PEG3: variants seen among roughly 807,000 people sequenced by gnomAD.
PEG3 encodes paternally expressed 3, also known as paternally-expressed gene 3 protein.
In PEG3, 23 loss-of-function variants were observed where a neutral mutation model predicts 35.5. The ratio of observed to expected loss-of-function variants is 0.65; its 90% CI spans 0.47 to 0.92. The LOEUF is 0.92. Among genes scored for constraint, PEG3 ranks in the 40% least tolerant of loss-of-function variants. The pLI, the probability that PEG3 is intolerant of heterozygous loss-of-function variation, is 0.00. For synonymous variants in PEG3, 707 were observed against 697.0 expected, an observed-to-expected ratio of 1.01 and a Z score of -0.23; for missense variants, 1,960 against 1,985.3, an observed-to-expected ratio of 0.99 and a Z score of 0.24.
chr19:56,815,237 C>G lies in PEG3; in HGVS notation c.3205G>C (p.Asp1069His), dbSNP rs573103723. Residue 1069 changes from aspartate (D) to histidine (H), a missense_variant, in exon 10 of 10, where the codon GAT becomes CAT. Asp to His is a moderately conservative substitution (Grantham distance 81). Coordinates refer to ENST00000326441, the MANE Select transcript of PEG3 (RefSeq NM_006210.3). ...TCCTCGCTGTGGGTCTCCTCCCCAT[C>G]AGTATTCTCGCCTTGAGACTCCTCG... The part of the protein sequence containing the change: ...HGEESQGENT[D>H]GEETHSEETH... The G allele has an allele frequency of 1.7e-5, 27 of 1,614,172 alleles. No individual in the cohort carries two copies. In the African/African-American group the frequency reaches 3.1e-4, roughly 18 times the overall value.
At position 56,816,177 on chromosome 19, in the gene PEG3, G is replaced by T; in HGVS notation, c.2265C>A (p.Asn755Lys). 1 of 1,614,078 alleles carries T rather than the reference G, an allele frequency of 6.2e-7. No individual in the cohort carries two copies. Among genetic ancestry groups the T allele is most frequent in the Non-Finnish European group, 8.5e-7 (1 of 1,179,932 alleles). Reference sequence around the variant, plus strand: ...TGGGAATCTTCTGGTTTTCATAGGGGTTAGAGCTAATGGTGAACGCCTTTT... The same window carrying T: ...TGGGAATCTTCTGGTTTTCATAGGGTTTAGAGCTAATGGTGAACGCCTTTT... ...EDEKAFTISSNPYENQKIPTK... is the reference protein window; with the variant it reads ...EDEKAFTISSKPYENQKIPTK... Residue 755 changes from asparagine (N) to lysine (K), a missense_variant, in exon 10 of 10, where the codon AAC becomes AAA. Asn to Lys is a moderately conservative substitution (Grantham distance 94). This residue lies in a region of PEG3 where 798 missense variants were observed against 782.4 expected (regional missense o/e 1.02). Transcript: ENST00000326441.
At chr19:56,828,793 A>C (rs1157222955) in intron 2 of PEG3, among the ~76,000 whole-genome samples, 1 of 152,254 alleles carries the variant, frequency 6.6e-6, no homozygotes, top group African/African-American at 2.4e-5. Flanking sequence ...CCGGTTACTT[A>C]ACATCAAAAA....
In PEG3 at chr19:56,812,052, T is replaced by C; in HGVS notation, c.*1623A>G. 1 of 983,850 alleles carries C rather than the reference T, an allele frequency of 1.0e-6. No individual in the cohort carries two copies. The highest frequency in any genetic ancestry group is 1.2e-6 in the Non-Finnish European group (1 of 828,510). 60.9% of individuals were successfully genotyped at this position (983,850 alleles called of 1,614,324 possible). A position where few individuals can be genotyped will look rare whatever the true frequency, so the allele number is the denominator to read the frequency against. ...CCAGAAGAGTAAGATTCAGACACATTTCCCCCAGTGGGTACTTTAATTTTG... is the reference window on the plus strand; with the variant it reads ...CCAGAAGAGTAAGATTCAGACACATCTCCCCCAGTGGGTACTTTAATTTTG... On this transcript the variant is annotated 3_prime_UTR_variant, in exon 10 of 10. Coordinates refer to ENST00000326441, the MANE Select transcript of PEG3 (RefSeq NM_006210.3).
Position 56,817,003 on chromosome 19 carries a change from T to A in PEG3, c.1439A>T (p.Tyr480Phe), listed in dbSNP as rs767916930. Residue 480 changes from tyrosine to phenylalanine, a missense_variant, in exon 10 of 10, where the codon TAT becomes TTT. Tyr to Phe is a conservative substitution (Grantham distance 22). This residue lies in a region of PEG3 where 798 missense variants were observed against 782.4 expected (regional missense o/e 1.02). Coordinates refer to ENST00000326441, the MANE Select transcript of PEG3 (RefSeq NM_006210.3). ...GTGGATAAAGGACTCACCATACTCA[T>A]AGAGGTTCTCTCTAGTATGCATGAT... ...HQIMHTRENL[Y>F]EYGESFIHSV... 2 of 1,613,976 alleles carry A rather than the reference T, an allele frequency of 1.2e-6. No homozygotes were observed. The highest frequency in any genetic ancestry group is 2.2e-5 in the South Asian group (2 of 91,076).
At chr19:56,836,995 A>G (rs2146666674) in intron 1 of PEG3, among the ~76,000 whole-genome samples, 1 of 95,700 alleles carries the variant, frequency 1.0e-5, no homozygotes, top group South Asian at 3.8e-4. Flanking sequence ...AAAAAAAAAA[A>G]AAAAAAAATT....
At chr19:56,830,883 T>C (rs1028614624) in intron 2 of PEG3, among the ~76,000 whole-genome samples, 2 of 151,858 alleles carry the variant, frequency 1.3e-5, no homozygotes. Flanking sequence ...GCTAAGATCA[T>C]GCCCCTGCAT....
rs376523755 is a variant in PEG3 at position 56,816,420 on chromosome 19, C to A, written c.2022G>T (p.Arg674Ser). 2 of 1,613,910 alleles carry A rather than the reference C, an allele frequency of 1.2e-6. No individual in the cohort carries two copies. The highest frequency in any genetic ancestry group is 1.3e-5 in the African/African-American group (1 of 75,010). ...TCTCCTTATTGTAAGTTTTCTGACG[C>A]CTTTTAAGGGACTGACCAGGAATAA... ...ETFIPGQSLK[R>S]RQKTYNKEKL... The change falls in exon 10 of 10, where the codon AGG (arginine) becomes AGT (serine). Residue 674 changes from arginine to serine, a missense_variant. By Grantham distance (110) the Arg-to-Ser change is moderately radical. Transcript: ENST00000326441.
Position 56,817,216 on chromosome 19 carries a change from C to T in PEG3, c.1226G>A (p.Gly409Asp). The T allele has an allele frequency of 6.2e-7, 1 of 1,614,184 alleles. No individual in the cohort carries two copies. Among genetic ancestry groups the T allele is most frequent in the Non-Finnish European group, 8.5e-7 (1 of 1,180,020 alleles). The change falls in exon 10 of 10, where the codon GGC (glycine) becomes GAC (aspartate). Residue 409 changes from glycine to aspartate, a missense_variant. Transcript: ENST00000326441. ...DGKGSIHDQKGCPRKKPFECG... is the reference protein window; with the variant it reads ...DGKGSIHDQKDCPRKKPFECG... The stretch of plus-strand genomic sequence containing the variant: ...TTCAAAGGGCTTCTTCCTGGGACAG[C>T]CTTTTTGATCGTGAATCGAGCCCTT...
At chr19:56,831,012 C>G (rs984137582) in intron 2 of PEG3, among the ~76,000 whole-genome samples, 1 of 151,958 alleles carries the variant, frequency 6.6e-6, no homozygotes, top group African/African-American at 2.4e-5. Flanking sequence ...CATAAAGACA[C>G]GTGTATCACA....
Position 56,811,077 on chromosome 19 carries a change from G to A in PEG3, c.*2598C>T. ...TGAACAAGATAAGAGGAGAGTATAT[G>A]TCTTTGGATGGTGGGGATATGATTT... On this transcript the variant is annotated 3_prime_UTR_variant, in exon 10 of 10. Transcript: ENST00000326441. The A allele has an allele frequency of 1.0e-6, 1 of 984,602 alleles. No individual in the cohort carries two copies. The highest frequency in any genetic ancestry group is 1.2e-6 in the Non-Finnish European group (1 of 829,220). The allele number at this position is 984,602 out of a possible 1,614,324, so 61.0% of individuals were successfully genotyped here. A position where few individuals can be genotyped will look rare whatever the true frequency, so the allele number is the denominator to read the frequency against.
chr19:56,822,675 C>T, intron 6 of PEG3, 78 bp downstream of exon 6: 1 of 1,565,464 alleles, frequency 6.4e-7, no homozygotes, highest in Non-Finnish European at 8.7e-7. Context: ...ACTTCGAGGC[C>T]CTGGCACTTT....
chr19:56,814,139 C>G lies in PEG3; in HGVS notation c.4303G>C (p.Glu1435Gln), dbSNP rs1411781661. 1.2e-6 allele frequency: 2 copies of G among 1,614,210 alleles called. No homozygotes were observed. The highest frequency in any genetic ancestry group is 2.2e-5 in the South Asian group (2 of 91,084). Residue 1435 changes from glutamate to glutamine, a missense_variant, in exon 10 of 10, where the codon GAG becomes CAG. By Grantham distance (29) the Glu-to-Gln change is conservative (BLOSUM62 2). Transcript: ENST00000326441. The surrounding 1 kb of genome is among the most constrained non-coding windows in gnomAD (Gnocchi z 5.8). ...PDGEAAEPIG[E>Q]AGQPNGEAEQ... The stretch of plus-strand genomic sequence containing the variant: ...GCCTCTCCATTTGGCTGTCCAGCCT[C>G]TCCAATGGGCTCTGCAGCCTCTCCA...
rs1382263113 is a variant in PEG3 at position 56,815,998 on chromosome 19, TGGTTGATA to T, written c.2436_2443del (p.Ile813SerfsTer11). The T allele has an allele frequency of 6.3e-7, 1 of 1,587,938 alleles. No individual in the cohort carries two copies. ...GTTCCCTCCAGCACGAACTCTCTGATGGTTGATAGCATCGAAGCTCTGAATGGTAGACT... is the reference window on the plus strand; with the variant it reads ...GTTCCCTCCAGCACGAACTCTCTGATGCATCGAAGCTCTGAATGGTAGACT... On this transcript the variant is annotated frameshift_variant, in exon 10 of 10. Coordinates refer to ENST00000326441, the MANE Select transcript of PEG3 (RefSeq NM_006210.3). LOFTEE classifies it low-confidence loss of function (END_TRUNC).
Position 56,815,040 on chromosome 19 carries a change from C to T in PEG3, c.3402G>A (p.Leu1134=). Residue 1134 remains leucine (L), a synonymous_variant, in exon 10 of 10, where the codon CTG becomes CTA. Coordinates refer to ENST00000326441, the MANE Select transcript of PEG3 (RefSeq NM_006210.3). The part of the protein sequence containing the change: ...DHQKVHSRKC[L]VDSREYTHSV... The stretch of plus-strand genomic sequence containing the variant: ...AATGTGTGTACTCCCGACTGTCAAC[C>T]AGGCACTTCCTGCTGTGGACTTTCT... 6.2e-7 allele frequency: 1 copy of T among 1,614,174 alleles called. No homozygotes were observed. Among genetic ancestry groups the T allele is most frequent in the Non-Finnish European group, 8.5e-7 (1 of 1,180,024 alleles).
Position 56,811,037 on chromosome 19 carries a change from G to A in PEG3, c.*2638C>T. 2 of 980,574 alleles carry A rather than the reference G, an allele frequency of 2.0e-6. No homozygotes were observed. The highest frequency in any genetic ancestry group is 2.4e-6 in the Non-Finnish European group (2 of 825,764). The allele number at this position is 980,574 out of a possible 1,614,324, so 60.7% of individuals were successfully genotyped here. ...GACACAGTTATAATCATAAACCTGT[G>A]CACAGAAACAAGAATGAACAAGATA... On this transcript the variant is annotated 3_prime_UTR_variant, in exon 10 of 10. Coordinates refer to ENST00000326441, the MANE Select transcript of PEG3 (RefSeq NM_006210.3).
rs745680512 is a variant in PEG3, at chr19:56,816,959, C to T, written c.1483G>A (p.Val495Ile). The T allele has an allele frequency of 1.2e-5, 20 of 1,614,098 alleles. No individual in the cohort carries two copies. In the Admixed American group the frequency reaches 2.2e-4, roughly 17 times the overall value. Residue 495 changes from valine to isoleucine, a missense_variant, in exon 10 of 10, where the codon GTT becomes ATT. Coordinates refer to ENST00000326441, the MANE Select transcript of PEG3 (RefSeq NM_006210.3). The stretch of plus-strand genomic sequence containing the variant: ...TTCCCTCCAACCTGACTTTTCTGAA[C>T]TTCACTGACAGCCACACTGTGGATA... The part of the protein sequence containing the change: ...SFIHSVAVSE[V>I]QKSQVGGKRF...
chr19:56,814,359 A>G lies in PEG3; in HGVS notation c.4083T>C (p.Asp1361=), dbSNP rs145005818. 4,547 of 1,613,178 alleles carry G rather than the reference A, an allele frequency of 2.8e-3. 19 individuals carry two copies. The highest frequency in any genetic ancestry group is 4.8e-3 in the South Asian group (437 of 91,058). The change falls in exon 10 of 10, where the codon GAT becomes GAC. Residue 1361 remains aspartate (D), a synonymous_variant. Coordinates refer to ENST00000326441, the MANE Select transcript of PEG3 (RefSeq NM_006210.3). The surrounding 1 kb of genome is among the most constrained non-coding windows in gnomAD (Gnocchi z 5.8). The stretch of plus-strand genomic sequence containing the variant: ...CTGCTGCTGCAGCTGCTGCTGCTTC[A>G]TCTTCTTCTTCTTCTTCCAGATGAA... ...KELHLEEEEE[D]EAAAAAAAAA...
At chr19:56,818,935 T>C (rs767320068) in intron 7 of PEG3, among the ~76,000 whole-genome samples, 4 of 152,204 alleles carry the variant, frequency 2.6e-5, no homozygotes, top group Admixed American at 6.5e-5. Flanking sequence ...CTTGCCCTCA[T>C]GCAGCTTATA....
chr19:56,823,207 A>G (rs182423878), intron 5 of PEG3, among the ~76,000 whole-genome samples: 1 of 152,188 alleles, frequency 6.6e-6, no homozygotes, highest in African/African-American at 2.4e-5. Context: ...ACGTTATTCT[A>G]CTACAAAAAA....
Sources: gnomAD v4.1 joint callset for allele counts (sites outside exome capture counted in the v4.1 genomes callset) on GRCh38, gnomAD v4.1.1 for gene constraint, gnomAD v4.1.1 regional missense constraint, Gnocchi (gnomAD v3.1) non-coding constraint, MANE v1.5 for transcripts, NCBI Gene and HGNC (gene_info 2026-07-23, HGNC 2026-07-21) for gene names.